Variants in MICAL3 observed in about 807,000 individuals in gnomAD.
MICAL3 encodes microtubule associated monooxygenase, calponin and LIM domain containing 3, also known as [F-actin]-monooxygenase MICAL3.
MICAL3 carries 62 observed loss-of-function variants against 207.4 expected under a neutral mutation model. The observed-to-expected ratio is 0.30, with a 90% CI of 0.24 to 0.37. The LOEUF (loss-of-function observed/expected upper bound fraction) is 0.37. Among genes scored for constraint, MICAL3 ranks in the 10% least tolerant of loss-of-function variants. The pLI, the probability that MICAL3 is intolerant of heterozygous loss-of-function variation, is 1.00. For missense variants in MICAL3, 2,368 were observed against 2,635.6 expected (o/e 0.90, Z 2.22); for synonymous variants, 1,077 against 1,069.3 (o/e 1.01, Z -0.14).
chr22:17,848,164 G>A (rs575430291), intron 19 of MICAL3, among the ~76,000 whole-genome samples: 6 of 152,310 alleles, frequency 3.9e-5, no homozygotes, highest in South Asian at 2.1e-4. Flanking sequence ...CAGCAAAATC[G>A]GTCACAGTGA....
chr22:17,921,621 TG>T (rs1271718922), intron 1 of MICAL3, among the ~76,000 whole-genome samples: 1 of 152,294 alleles, frequency 6.6e-6, no homozygotes, highest in East Asian at 1.9e-4. Context: ...CCCTAGTAGC[TG>T]GGATTACAGG....
chr22:18,008,170 G>A (rs1162824566), intron 1 of MICAL3, among the ~76,000 whole-genome samples: 2 of 152,048 alleles, frequency 1.3e-5, no homozygotes, highest in South Asian at 2.1e-4. Flanking sequence ...AACCCAGGAG[G>A]TGGAGATTGC....
chr22:17,811,616 G>A (rs1189147479), intron 27 of MICAL3: 1 of 152,240 alleles, frequency 6.6e-6, no homozygotes, highest in African/African-American at 2.4e-5. Flanking sequence ...TGCCTACGTG[G>A]GTGCCAAGGG....
At chr22:17,823,152 G>T (rs1035152817) in intron 22 of MICAL3, 92 bp from the exon 23 acceptor site, 2 of 849,230 alleles carry the variant, frequency 2.4e-6, no homozygotes, top group South Asian at 3.0e-5. Flanking sequence ...GCCTTTCTCA[G>T]GGCGCTGCCA....
intron 1 of MICAL3, among the ~76,000 whole-genome samples, chr22:17,914,030 G>A (rs183241142): frequency 2.6e-5 from 4 of 152,318 alleles, no homozygotes; most frequent in Admixed American, 2.0e-4. Context: ...AATGTAAAAT[G>A]TTTATCAGTG....
chr22:17,817,667 T>C lies in MICAL3; in HGVS notation c.4994A>G (p.His1665Arg), dbSNP rs1921147721. The C allele has an allele frequency of 1.9e-6, 3 of 1,610,982 alleles. No individual in the cohort carries two copies. The highest frequency in any genetic ancestry group is 2.2e-5 in the East Asian group (1 of 44,836). ...GAGGACCTCCTCGCTGGTGGCTTCA[T>C]GCTTCAGGGTGGGCTCCTCGGAGCC... Reference protein sequence around the residue: ...LRGSEEPTLKHEATSEEVLSP... With the variant: ...LRGSEEPTLKREATSEEVLSP... The change falls in exon 26 of 32, where the codon CAT (histidine) becomes CGT (arginine). Residue 1665 changes from histidine (H) to arginine (R), a missense_variant. By Grantham distance (29) the His-to-Arg change is conservative (BLOSUM62 0). Around this residue, in one of 4 missense-constraint regions of MICAL3, gnomAD observed 1,770 missense variants for 1,863.2 expected, o/e 0.95. Coordinates refer to ENST00000441493, the MANE Select transcript of MICAL3 (RefSeq NM_015241.3).
intron 29 of MICAL3, among the ~76,000 whole-genome samples, chr22:17,797,858 C>T (rs773555761): frequency 3.3e-5 from 5 of 152,230 alleles, no homozygotes; most frequent in South Asian, 2.1e-4. Flanking sequence ...GCAGGCACGT[C>T]GGCGGGCCGT....
chr22:17,952,703 T>C (rs1934407682), intron 1 of MICAL3, among the ~76,000 whole-genome samples: 1 of 149,568 alleles, frequency 6.7e-6, no homozygotes, highest in African/African-American at 2.6e-5. Flanking sequence ...AGGCGGGGCG[T>C]CAGAGAGGCC....
chr22:17,831,358 C>A (rs565361878), intron 21 of MICAL3, among the ~76,000 whole-genome samples: 1 of 152,282 alleles, frequency 6.6e-6, no homozygotes, highest in East Asian at 1.9e-4. Context: ...GTGGCTGGCC[C>A]CTGGGCCTGA....
chr22:17,893,196 C>T (rs547278355), intron 11 of MICAL3, among the ~76,000 whole-genome samples: 1 of 152,234 alleles, frequency 6.6e-6, no homozygotes, highest in South Asian at 2.1e-4. Flanking sequence ...AGCATCAGGC[C>T]CAGATCTGGG....
At chr22:17,875,056 C>A (rs1216550440) in intron 16 of MICAL3, among the ~76,000 whole-genome samples, 1 of 152,214 alleles carries the variant, frequency 6.6e-6, no homozygotes, top group African/African-American at 2.4e-5. Context: ...CATCATCACC[C>A]CTCCATTGAG....
chr22:17,810,827 G>A lies in MICAL3; in HGVS notation c.5446-14C>T, dbSNP rs2062040122. 6.2e-7 allele frequency: 1 copy of A among 1,609,268 alleles called. No individual in the cohort carries two copies. Among genetic ancestry groups the A allele is most frequent in the Non-Finnish European group, 8.5e-7 (1 of 1,175,644 alleles). On this transcript the variant is annotated splice_polypyrimidine_tract_variant and intron_variant, in intron 27 of 31. Transcript: ENST00000441493. The stretch of plus-strand genomic sequence containing the variant: ...GTAGGTTCTTGGCTGGAGAGAACAA[G>A]AGAAACTTCCTCAGTCAGGTGCACG...
At chr22:17,807,290 T>C (rs973942342) in intron 29 of MICAL3, among the ~76,000 whole-genome samples, 1 of 152,214 alleles carries the variant, frequency 6.6e-6, no homozygotes, top group Non-Finnish European at 1.5e-5. Flanking sequence ...CAACTCCATC[T>C]GGGCTCAGGC....
intron 22 of MICAL3, chr22:17,826,442 T>C (rs1393893144): frequency 1.0e-6 from 1 of 985,442 alleles, no homozygotes; most frequent in Non-Finnish European, 1.2e-6. Flanking sequence ...AGAGTGAACA[T>C]CACCAGACTA....
chr22:17,851,338 C>T (rs376340836), intron 19 of MICAL3, among the ~76,000 whole-genome samples: 6 of 152,254 alleles, frequency 3.9e-5, no homozygotes, highest in African/African-American at 1.2e-4. Flanking sequence ...ATCCTGCTTC[C>T]GGCTCCACTT....
chr22:17,874,592 C>A (rs567434884), intron 16 of MICAL3, among the ~76,000 whole-genome samples: 3 of 152,214 alleles, frequency 2.0e-5, no homozygotes, highest in Non-Finnish European at 4.4e-5. Context: ...GACAAGCATC[C>A]CTGCAAGAGA....
intron 17 of MICAL3, among the ~76,000 whole-genome samples, chr22:17,866,483 C>G (rs570866692): frequency 1.3e-5 from 2 of 152,202 alleles, no homozygotes; most frequent in Non-Finnish European, 2.9e-5. Context: ...GCTGCTCCCC[C>G]TCCCGCACCC....
intron 27 of MICAL3, chr22:17,814,708 T>TTCCCCTAGGTCATTCA (rs1569076125): frequency 6.6e-6 from 1 of 152,142 alleles, no homozygotes; most frequent in Non-Finnish European, 1.5e-5. Context: ...TAGGTTGGCC[T>TTCCCCTAGGTCATTCA]TCCCCTAGGT....
chr22:17,819,540 G>T (rs543712531), intron 25 of MICAL3, among the ~76,000 whole-genome samples: 1 of 152,196 alleles, frequency 6.6e-6, no homozygotes, highest in South Asian at 2.1e-4. Flanking sequence ...TATTTATCAC[G>T]GTGCATTATG....
Sources: allele counts gnomAD v4.1 joint callset (sites outside exome capture counted in the v4.1 genomes callset), GRCh38; gene constraint gnomAD v4.1.1; regional missense constraint gnomAD v4.1.1; transcripts MANE v1.5; gene names NCBI Gene and HGNC (gene_info 2026-07-23, HGNC 2026-07-21).